Variants in DAW1 observed in about 807,000 individuals in gnomAD.
DAW1 encodes dynein assembly factor with WD repeats 1.
A neutral mutation model predicts 56.5 loss-of-function variants in DAW1; 47 were observed. The observed-to-expected ratio is 0.83, with a 90% CI of 0.66 to 1.06. The LOEUF is 1.06. Among genes scored for constraint, DAW1 ranks in the 50% least tolerant of loss-of-function variants. The probability of loss-of-function intolerance (pLI) is 0.00; values close to 1 mark genes in which losing one functional copy is unlikely to be tolerated. For synonymous variants in DAW1, 190 were observed against 179.0 expected, an observed-to-expected ratio of 1.06 and a Z score of -0.49; for missense variants, 505 against 499.3, an observed-to-expected ratio of 1.01 and a Z score of -0.11.
At chr2:227,913,450 A>G (rs76516286) in intron 10 of DAW1, among the ~76,000 whole-genome samples, 1 of 152,146 alleles carries the variant, frequency 6.6e-6, no homozygotes, top group Non-Finnish European at 1.5e-5. Flanking sequence ...TTTCTCCTTG[A>G]TAACCACATA....
At chr2:227,912,205 T>C (rs1054585445) in intron 10 of DAW1, 1 of 392,012 alleles carries the variant, frequency 2.6e-6, no homozygotes, top group East Asian at 7.1e-5. Flanking sequence ...TGTATGATGT[T>C]ATGCTATATC....
intron 3 of DAW1, 148 bp from the exon 4 acceptor site, chr2:227,891,107 C>T (rs189369253): frequency 3.1e-6 from 2 of 637,594 alleles, no homozygotes; most frequent in Non-Finnish European, 5.4e-6. Context: ...CAATAAGATG[C>T]CACATAGCAC....
chr2:227,904,728 C>T (rs1691635634), intron 7 of DAW1, among the ~76,000 whole-genome samples: 1 of 152,092 alleles, frequency 6.6e-6, no homozygotes, highest in Admixed American at 6.5e-5. Flanking sequence ...TTACCAAAAC[C>T]TAGTTTTCAA....
intron 5 of DAW1, among the ~76,000 whole-genome samples, chr2:227,894,700 T>A (rs115582578): frequency 0.014 from 2,190 of 152,288 alleles, 42 homozygotes; most frequent in African/African-American, 0.05. Flanking sequence ...AACAGAAGTA[T>A]TTTTAAACCA....
intron 1 of DAW1, among the ~76,000 whole-genome samples, chr2:227,878,768 C>A (rs1352636946): frequency 6.9e-6 from 1 of 144,198 alleles, no homozygotes; most frequent in Non-Finnish European, 1.5e-5. Context: ...TCATTTTTTT[C>A]TATTTTCTTG....
chr2:227,896,709 C>T lies in DAW1; in HGVS notation c.441-1473C>T, dbSNP rs149077651. On this transcript the variant is annotated intron_variant, in intron 5 of 12. Transcript: ENST00000309931. Reference sequence around the variant, plus strand: ...CTTTATACCTTAGGGCAGGAGTAAGCTTTGACTCAATAAAGTAATTCTCAA... The same window carrying T: ...CTTTATACCTTAGGGCAGGAGTAAGTTTTGACTCAATAAAGTAATTCTCAA... 1.6e-3 allele frequency among the ~76,000 whole-genome samples: 242 copies of T among 151,680 alleles called. 1 individual carries two copies. Among genetic ancestry groups the T allele is most frequent in the African/African-American group, 5.5e-3 (227 of 41,288 alleles).
intron 1 of DAW1, 37 bp from the exon 2 acceptor site, chr2:227,885,314 C>A (rs763038601): frequency 7.1e-7 from 1 of 1,415,688 alleles, no homozygotes; most frequent in East Asian, 2.5e-5. Context: ...AGGTGGTTAT[C>A]GTAAGTGTTT....
At chr2:227,889,006 C>A (rs1574653146) in intron 2 of DAW1, among the ~76,000 whole-genome samples, 1 of 152,218 alleles carries the variant, frequency 6.6e-6, no homozygotes, top group East Asian at 1.9e-4. Flanking sequence ...TAAATCTAAT[C>A]TTTCTGAACC....
chr2:227,903,329 A>G (rs886340532), intron 7 of DAW1, among the ~76,000 whole-genome samples: 5 of 152,152 alleles, frequency 3.3e-5, no homozygotes, highest in African/African-American at 1.2e-4. Context: ...AGTCTGCAAA[A>G]CACATAAACT....
chr2:227,898,385 ATCT>A, intron 6 of DAW1, 104 bp downstream of exon 6: 1 of 507,492 alleles, frequency 2.0e-6, no homozygotes, highest in Non-Finnish European at 2.7e-6. Context: ...CAGTGGCACA[ATCT>A]TGGCTCACTG....
chr2:227,877,889 A>G (rs1434322412), intron 1 of DAW1, among the ~76,000 whole-genome samples: 1 of 152,046 alleles, frequency 6.6e-6, no homozygotes, highest in Non-Finnish European at 1.5e-5. Flanking sequence ...GGGTCGGGGG[A>G]CCCCTGGCCT....
At chr2:227,886,037 C>T (rs925492218) in intron 2 of DAW1, among the ~76,000 whole-genome samples, 31 of 149,202 alleles carry the variant, frequency 2.1e-4, no homozygotes, top group African/African-American at 6.1e-4. Context: ...TGCAGTGGCT[C>T]GATCTCGGCT....
At chr2:227,918,043 T>A (rs1692005094) in intron 10 of DAW1, among the ~76,000 whole-genome samples, 1 of 152,192 alleles carries the variant, frequency 6.6e-6, no homozygotes, top group South Asian at 2.1e-4. Flanking sequence ...CTCATGTTTT[T>A]CACTTTCAAT....
At chr2:227,912,263 C>A in intron 10 of DAW1, 1 of 610,558 alleles carries the variant, frequency 1.6e-6, no homozygotes, top group Non-Finnish European at 2.8e-6. Flanking sequence ...GATGGAGTCT[C>A]GCTCTGTCGC....
rs775993386 is a variant in DAW1 at position 227,903,058 on chromosome 2, A to C, written c.597A>C (p.Thr199=). 1 of 1,614,222 alleles carries C rather than the reference A, an allele frequency of 6.2e-7. No individual in the cohort carries two copies. Among genetic ancestry groups the C allele is most frequent in the Non-Finnish European group, 8.5e-7 (1 of 1,180,038 alleles). ...TGGTGGCGACTGGAAGTATGGACACAACAGCCAAATTGTGGGACATTCAGA... is the reference window on the plus strand; with the variant it reads ...TGGTGGCGACTGGAAGTATGGACACCACAGCCAAATTGTGGGACATTCAGA... The part of the protein sequence containing the change: ...STLVATGSMD[T]TAKLWDIQNG... The change falls in exon 7 of 13, where the codon ACA becomes ACC. Residue 199 remains threonine (T), a synonymous_variant. Coordinates refer to ENST00000309931, the MANE Select transcript of DAW1 (RefSeq NM_178821.3).
At chr2:227,903,522 A>G (rs1266877147) in intron 7 of DAW1, among the ~76,000 whole-genome samples, 1 of 152,154 alleles carries the variant, frequency 6.6e-6, no homozygotes, top group Non-Finnish European at 1.5e-5. Context: ...GAAATGACAG[A>G]GGGGCAAGTG....
At chr2:227,878,967 A>G (rs1299111121) in intron 1 of DAW1, among the ~76,000 whole-genome samples, 2 of 151,928 alleles carry the variant, frequency 1.3e-5, no homozygotes, top group Admixed American at 6.6e-5. Context: ...TTCTATTTTT[A>G]GTAGAGACAG....
At chr2:227,923,836 T>C in intron 12 of DAW1, 98 bp from the exon 13 acceptor site, 1 of 1,452,302 alleles carries the variant, frequency 6.9e-7, no homozygotes, top group Middle Eastern at 1.8e-4. Flanking sequence ...TAGCAAGTTG[T>C]TAATTACCAA....
intron 11 of DAW1, among the ~76,000 whole-genome samples, chr2:227,920,452 C>T (rs529723679): frequency 6.6e-6 from 1 of 152,070 alleles, no homozygotes; most frequent in East Asian, 1.9e-4. Flanking sequence ...AGTGTGACAC[C>T]CAAAGGGATG....
Sources: allele counts gnomAD v4.1 joint callset (sites outside exome capture counted in the v4.1 genomes callset), GRCh38; gene constraint gnomAD v4.1.1; transcripts MANE v1.5; gene names NCBI Gene and HGNC (gene_info 2026-07-23, HGNC 2026-07-21).